Variants in KCNJ10 observed in about 807,000 individuals in gnomAD.
KCNJ10 encodes the protein ATP-sensitive inward rectifier potassium channel 10.
In KCNJ10, 9 loss-of-function variants were observed where a neutral mutation model predicts 22.2. The ratio of observed to expected loss-of-function variants is 0.40; its 90% CI spans 0.24 to 0.71. The LOEUF is 0.71. KCNJ10 is among the 30% of genes least tolerant of loss of function. The pLI is 0.35. For missense variants in KCNJ10, 337 were observed against 482.7 expected, an observed-to-expected ratio of 0.70 and a Z score of 2.83; for synonymous variants, 184 against 187.3, an observed-to-expected ratio of 0.98 and a Z score of 0.15.
At chr1:160,060,267 C>G (rs1042198160) in intron 1 of KCNJ10, among the ~76,000 whole-genome samples, 1 of 152,122 alleles carries the variant, frequency 6.6e-6, no homozygotes, top group Non-Finnish European at 1.5e-5. Flanking sequence ...GTCTCACTGT[C>G]CTCTGTCTCC....
intron 1 of KCNJ10, among the ~76,000 whole-genome samples, chr1:160,058,312 C>T (rs1482650248): frequency 6.6e-6 from 1 of 152,130 alleles, no homozygotes; most frequent in Non-Finnish European, 1.5e-5. Context: ...TGTGCTCAGC[C>T]CCACCCTGTC....
At chr1:160,053,917 TG>T (rs1319000318) in intron 1 of KCNJ10, among the ~76,000 whole-genome samples, 1 of 152,152 alleles carries the variant, frequency 6.6e-6, no homozygotes, top group Non-Finnish European at 1.5e-5. Flanking sequence ...GGACAAAAGA[TG>T]GGGCCACATC....
intron 1 of KCNJ10, among the ~76,000 whole-genome samples, chr1:160,068,634 C>T (rs1324596157): frequency 6.6e-6 from 1 of 152,178 alleles, no homozygotes; most frequent in South Asian, 2.1e-4. Context: ...CCTGAAGAAC[C>T]AGCTATGAGT....
At chr1:160,056,100 C>T (rs1166216110) in intron 1 of KCNJ10, among the ~76,000 whole-genome samples, 1 of 152,070 alleles carries the variant, frequency 6.6e-6, no homozygotes, top group Non-Finnish European at 1.5e-5. Flanking sequence ...TAACTAGGTC[C>T]ATCATTTCTG....
intron 1 of KCNJ10, among the ~76,000 whole-genome samples, chr1:160,043,308 C>G (rs1485088080): frequency 6.6e-6 from 1 of 150,792 alleles, no homozygotes; most frequent in Admixed American, 6.6e-5. Context: ...CACACACACA[C>G]ACACACAACC....
At chr1:160,058,316 C>A (rs975633769) in intron 1 of KCNJ10, among the ~76,000 whole-genome samples, 5 of 152,192 alleles carry the variant, frequency 3.3e-5, no homozygotes, top group Admixed American at 1.3e-4. Context: ...CTCAGCCCCA[C>A]CCTGTCAACA....
chr1:160,069,016 TC>T (rs1406585615), intron 1 of KCNJ10, among the ~76,000 whole-genome samples: 3 of 152,178 alleles, frequency 2.0e-5, no homozygotes, highest in Admixed American at 6.5e-5. Context: ...TGGCCAGACA[TC>T]TTTAGTCAGA....
chr1:160,046,687 C>G (rs1399663473), intron 1 of KCNJ10, among the ~76,000 whole-genome samples: 1 of 152,164 alleles, frequency 6.6e-6, no homozygotes, highest in African/African-American at 2.4e-5. Context: ...CCTCCCACAG[C>G]CAGGCAGCTT....
At chr1:160,049,257 G>A (rs1338182382) in intron 1 of KCNJ10, among the ~76,000 whole-genome samples, 1 of 152,066 alleles carries the variant, frequency 6.6e-6, no homozygotes, top group Non-Finnish European at 1.5e-5. Context: ...ACCCAGGCTG[G>A]CATATAAGGC....
chr1:160,045,604 T>A lies in KCNJ10; in HGVS notation c.1-3072A>T, dbSNP rs185123885. On this transcript the variant is annotated intron_variant, in intron 1 of 1. Transcript: ENST00000644903. The stretch of plus-strand genomic sequence containing the variant: ...TTTGATTGCCAAAAAAGCAAACTAA[T>A]CTTAAGCTCCTTCAGTTGAACTGAA... Among the ~76,000 whole-genome samples, 606 of 152,340 alleles carry A rather than the reference T, an allele frequency of 4.0e-3. 4 individuals are homozygous for A. The highest frequency in any genetic ancestry group is 0.027 in the Middle Eastern group (8 of 294).
chr1:160,049,367 T>C (rs1648822965), intron 1 of KCNJ10, among the ~76,000 whole-genome samples: 1 of 151,986 alleles, frequency 6.6e-6, no homozygotes, highest in Non-Finnish European at 1.5e-5. Context: ...CACTCCCTGC[T>C]CCCTGCTGTG....
intron 1 of KCNJ10, among the ~76,000 whole-genome samples, chr1:160,058,091 A>G (rs1649085381): frequency 6.6e-6 from 1 of 152,164 alleles, no homozygotes; most frequent in African/African-American, 2.4e-5. Context: ...TATTTTGTTC[A>G]TCTTTGTGTC....
chr1:160,043,011 G>A (rs1307069198), intron 1 of KCNJ10, among the ~76,000 whole-genome samples: 1 of 151,932 alleles, frequency 6.6e-6, no homozygotes, highest in Non-Finnish European at 1.5e-5. Context: ...TCACAGCCTA[G>A]TGAGAAAGAT....
chr1:160,047,204 G>T (rs897167265), intron 1 of KCNJ10, among the ~76,000 whole-genome samples: 2 of 152,172 alleles, frequency 1.3e-5, no homozygotes, highest in Non-Finnish European at 1.5e-5. Flanking sequence ...ATTTATCAGG[G>T]CCTTTCTTGA....
intron 1 of KCNJ10, among the ~76,000 whole-genome samples, chr1:160,062,266 G>A (rs374211318): frequency 1.3e-5 from 2 of 152,182 alleles, no homozygotes; most frequent in Non-Finnish European, 2.9e-5. Context: ...CGAAGGGGGG[G>A]TGGTGGGGAA....
In KCNJ10 at chr1:160,040,166, G is replaced by A; in HGVS notation, c.*1227C>T. The A allele has an allele frequency of 4.8e-6, 1 of 209,852 alleles. No individual in the cohort carries two copies. Among genetic ancestry groups the A allele is most frequent in the East Asian group, 9.9e-5 (1 of 10,052 alleles). The allele number at this position is 209,852 out of a possible 1,614,324, so 13.0% of individuals were successfully genotyped here. A position where few individuals can be genotyped will look rare whatever the true frequency, so the allele number is the denominator to read the frequency against. On this transcript the variant is annotated 3_prime_UTR_variant, in exon 2 of 2. Transcript: ENST00000644903. ...GAAATAGCTGGCACTTTTCAGAAGG[G>A]CACTGGGAGGTGTAACTGAGAATAG...
At chr1:160,049,675 T>TTATATATATATATATTTA (rs1648835252) in intron 1 of KCNJ10, among the ~76,000 whole-genome samples, 1 of 47,096 alleles carries the variant, frequency 2.1e-5, no homozygotes, top group Middle Eastern at 0.013. Flanking sequence ...TTTTATTTAT[T>TTATATATATATATATTTA]TATATATATA....
intron 1 of KCNJ10, among the ~76,000 whole-genome samples, chr1:160,048,958 TA>T (rs970912985): frequency 1.3e-5 from 2 of 152,210 alleles, no homozygotes; most frequent in African/African-American, 4.8e-5. Context: ...CTTCCTCAAA[TA>T]CACCTCTGAT....
At chr1:160,048,641 A>G (rs946545552) in intron 1 of KCNJ10, among the ~76,000 whole-genome samples, 1 of 152,214 alleles carries the variant, frequency 6.6e-6, no homozygotes, top group African/African-American at 2.4e-5. Context: ...TTCACTTCCA[A>G]TTGTAAAATC....
Sources: gnomAD v4.1 joint callset for allele counts (sites outside exome capture counted in the v4.1 genomes callset) on GRCh38, gnomAD v4.1.1 for gene constraint, MANE v1.5 for transcripts, NCBI Gene and HGNC (gene_info 2026-07-23, HGNC 2026-07-21) for gene names.